The following CEP112 variants were observed in gnomAD, a reference collection of about 807,000 sequenced individuals.
CEP112 encodes centrosomal protein 112.
Under a neutral mutation model 153.0 loss-of-function variants are expected in CEP112, and 127 were observed. The observed-to-expected ratio is 0.83, with a 90% CI of 0.72 to 0.96. The LOEUF is 0.96. CEP112 is among the 40% of genes least tolerant of loss of function. The pLI is 0.00. For missense variants in CEP112, 1,089 were observed against 1,101.2 expected, an observed-to-expected ratio of 0.99 and a Z score of 0.16; for synonymous variants, 358 against 374.4, an observed-to-expected ratio of 0.96 and a Z score of 0.51.
chr17:65,865,374 C>T (rs1860835), intron 20 of CEP112, among the ~76,000 whole-genome samples: 149,829 of 152,328 alleles, frequency 0.98, 73,736 homozygotes, highest in Middle Eastern at 1. Context: ...GTGCATGGCT[C>T]GTATATAAGT....
At chr17:66,052,042 A>C (rs1014779155) in intron 12 of CEP112, among the ~76,000 whole-genome samples, 1 of 152,230 alleles carries the variant, frequency 6.6e-6, no homozygotes, top group Non-Finnish European at 1.5e-5. Context: ...TTTATAATGA[A>C]GTATAGGGTA....
At position 66,190,795 on chromosome 17, in the gene CEP112, A is replaced by C. The variant is rs78602204; in HGVS notation, c.-9+1202T>G. The stretch of plus-strand genomic sequence containing the variant: ...TACAGTCAGCAAACATAACCAAACC[A>C]CAAGTATTAAAAGGTCTGGGAAAAA... On this transcript the variant is annotated intron_variant, in intron 1 of 26. Coordinates refer to ENST00000535342, the MANE Select transcript of CEP112 (RefSeq NM_001199165.4). 8.7e-3 allele frequency among the ~76,000 whole-genome samples: 1,321 copies of C among 152,246 alleles called. 22 individuals carry two copies. Among genetic ancestry groups the C allele is most frequent in the African/African-American group, 0.031 (1,267 of 41,506 alleles).
chr17:65,943,589 G>A (rs1387242377), intron 18 of CEP112, among the ~76,000 whole-genome samples: 2 of 152,086 alleles, frequency 1.3e-5, no homozygotes, highest in Non-Finnish European at 2.9e-5. Context: ...CTGTTAGTCT[G>A]ATGAGTTTCT....
chr17:66,085,723 A>G (rs934676879), intron 8 of CEP112, among the ~76,000 whole-genome samples: 8 of 152,184 alleles, frequency 5.3e-5, no homozygotes, highest in African/African-American at 1.9e-4. Flanking sequence ...TCACGCCTGT[A>G]ATCCCAGCAC....
intron 24 of CEP112, among the ~76,000 whole-genome samples, chr17:65,643,547 T>C (rs1453943064): frequency 2.0e-5 from 3 of 152,016 alleles, no homozygotes; most frequent in Admixed American, 6.6e-5. Flanking sequence ...GTGATCTGCC[T>C]GCCTCGGCCT....
intron 23 of CEP112, among the ~76,000 whole-genome samples, chr17:65,703,114 G>T (rs1174618300): frequency 6.6e-6 from 1 of 152,138 alleles, no homozygotes; most frequent in Non-Finnish European, 1.5e-5. Flanking sequence ...GCATAAGAGG[G>T]GATTGGTGTC....
chr17:65,948,573 A>ATT (rs1382214378), intron 18 of CEP112, among the ~76,000 whole-genome samples: 2 of 114,822 alleles, frequency 1.7e-5, no homozygotes, highest in Non-Finnish European at 3.6e-5. Context: ...GAAAAATATG[A>ATT]TTTTATATAT....
intron 4 of CEP112, among the ~76,000 whole-genome samples, chr17:66,170,388 T>G (rs1395254219): frequency 2.0e-5 from 3 of 152,202 alleles, no homozygotes; most frequent in Admixed American, 2.0e-4. Flanking sequence ...ATGCATGAGA[T>G]CTAAGTCTAT....
intron 12 of CEP112, among the ~76,000 whole-genome samples, chr17:66,043,624 T>C (rs770102464): frequency 2.0e-5 from 3 of 152,166 alleles, no homozygotes; most frequent in Non-Finnish European, 2.9e-5. Flanking sequence ...CTAATGTCAA[T>C]AGACCCTATC....
intron 20 of CEP112, among the ~76,000 whole-genome samples, chr17:65,858,556 ATCTC>A (rs1434302843): frequency 6.6e-6 from 1 of 152,086 alleles, no homozygotes; most frequent in African/African-American, 2.4e-5. Flanking sequence ...TGTTATTAAT[ATCTC>A]TCTTTTATTG....
chr17:66,020,420 C>T (rs945717158), intron 16 of CEP112, among the ~76,000 whole-genome samples: 2 of 152,170 alleles, frequency 1.3e-5, no homozygotes, highest in Non-Finnish European at 2.9e-5. Context: ...TCTTCCTATA[C>T]ACTAAGCTCA....
At chr17:65,696,378 A>T (rs2048356619) in intron 23 of CEP112, among the ~76,000 whole-genome samples, 2 of 152,200 alleles carry the variant, frequency 1.3e-5, no homozygotes, top group East Asian at 1.9e-4. Flanking sequence ...GTTCACCCAC[A>T]TGTCCTTTGG....
At chr17:65,916,524 CCAGGAAAA>C (rs1370124320) in intron 19 of CEP112, among the ~76,000 whole-genome samples, 1 of 151,766 alleles carries the variant, frequency 6.6e-6, no homozygotes, top group Non-Finnish European at 1.5e-5. Flanking sequence ...ATATCACTAT[CCAGGAAAA>C]CAGCTTCTTT....
chr17:66,086,084 A>C (rs981614835), intron 8 of CEP112, among the ~76,000 whole-genome samples: 2 of 152,100 alleles, frequency 1.3e-5, no homozygotes, highest in Admixed American at 6.5e-5. Flanking sequence ...ATACCCATTA[A>C]ATTTTCAGCA....
rs1414923201 is a variant in CEP112 at position 66,192,120 on chromosome 17, G to C, written c.-132C>G. ...GGGTCGCCGCCGCCCAGCAGCCCGG[G>C]GGCGGGGACTTTCGCGCTCGCATTT... On this transcript the variant is annotated 5_prime_UTR_variant, in exon 1 of 27. Transcript: ENST00000535342. 1.3e-5 allele frequency: 2 copies of C among 152,936 alleles called. No individual in the cohort carries two copies. The highest frequency in any genetic ancestry group is 6.5e-5 in the Admixed American group (1 of 15,288). 9.5% of individuals were successfully genotyped at this position (152,936 alleles called of 1,614,324 possible). A position where few individuals can be genotyped will look rare whatever the true frequency, so the allele number is the denominator to read the frequency against.
chr17:66,039,951 T>G (rs1408327482), intron 12 of CEP112, among the ~76,000 whole-genome samples: 2 of 152,296 alleles, frequency 1.3e-5, no homozygotes, highest in East Asian at 1.9e-4. Flanking sequence ...CTAAAATAAT[T>G]TACCCATTCT....
intron 21 of CEP112, among the ~76,000 whole-genome samples, chr17:65,846,638 G>C (rs1034685801): frequency 6.6e-6 from 1 of 152,094 alleles, no homozygotes; most frequent in Non-Finnish European, 1.5e-5. Flanking sequence ...GCGCAATCTC[G>C]GCTCACTACA....
rs57598697 is a variant in CEP112 at position 65,950,699 on chromosome 17, C to CTATTATTATTATTAGTAGTAGTAG, written c.1872+10763_1872+10764insCTACTACTACTAATAATAATAATA. Among the ~76,000 whole-genome samples, 999 of 147,178 alleles carry CTATTATTATTATTAGTAGTAGTAG rather than the reference C, an allele frequency of 6.8e-3. 22 individuals carry two copies. The highest frequency in any genetic ancestry group is 0.048 in the East Asian group (235 of 4,892). On this transcript the variant is annotated intron_variant, in intron 18 of 26. Transcript: ENST00000535342. ...CTTTCTTTCCATTCTGGATACATTA[C>CTATTATTATTATTAGTAGTAGTAG]TAGTAGTAGTAGTAGTAGTAGTAGT...
intron 17 of CEP112, among the ~76,000 whole-genome samples, chr17:65,972,193 C>G (rs1477143251): frequency 6.6e-6 from 1 of 152,088 alleles, no homozygotes; most frequent in Admixed American, 6.5e-5. Flanking sequence ...TCACATCATG[C>G]AATGCATATT....
Sources: gnomAD v4.1 joint callset for allele counts (sites outside exome capture counted in the v4.1 genomes callset) on GRCh38, gnomAD v4.1.1 for gene constraint, MANE v1.5 for transcripts, NCBI Gene and HGNC (gene_info 2026-07-23, HGNC 2026-07-21) for gene names.